The following PASK variants were observed in gnomAD, a reference collection of about 807,000 sequenced individuals.
PASK encodes PAS domain containing serine/threonine kinase.
In PASK, 110 loss-of-function variants were observed where a neutral mutation model predicts 121.0. That is an observed-to-expected ratio of 0.91 (90% CI 0.78 to 1.06). The LOEUF (loss-of-function observed/expected upper bound fraction) is 1.06, where lower values mean the gene tolerates loss of function less well. Ranked by LOEUF, PASK falls within the 50% of genes least tolerant of loss-of-function variation. The pLI is 0.00. For synonymous variants in PASK, 686 were observed against 717.8 expected, an observed-to-expected ratio of 0.96 and a Z score of 0.71; for missense variants, 1,643 against 1,702.3, an observed-to-expected ratio of 0.97 and a Z score of 0.61.
Position 241,149,445 on chromosome 2 carries a change from T to C in PASK, c.-74A>G. 2 of 572,962 alleles carry C rather than the reference T, an allele frequency of 3.5e-6. No individual in the cohort carries two copies. Among genetic ancestry groups the C allele is most frequent in the South Asian group, 2.1e-5 (1 of 48,446 alleles). 35.5% of individuals were successfully genotyped at this position (572,962 alleles called of 1,614,324 possible). ...CAGGCGAGGGTCACGCCAAGCCGGC[T>C]ACACACCACGGAAAGGAGCCCTTCC... On this transcript the variant is annotated 5_prime_UTR_variant, in exon 1 of 18. Coordinates refer to ENST00000234040, the MANE Select transcript of PASK (RefSeq NM_015148.4).
chr2:241,124,200 G>C, intron 10 of PASK, 67 bp from the exon 11 acceptor site: 1 of 1,309,976 alleles, frequency 7.6e-7, no homozygotes, highest in South Asian at 1.2e-5. Context: ...CTTTAGGTTA[G>C]AAAAGTCCAG....
chr2:241,129,162 G>A (rs978334554), intron 9 of PASK, among the ~76,000 whole-genome samples: 10 of 152,136 alleles, frequency 6.6e-5, no homozygotes, highest in Admixed American at 4.6e-4. Flanking sequence ...GACAGGAGGC[G>A]AATGCACACC....
intron 12 of PASK, among the ~76,000 whole-genome samples, chr2:241,119,631 G>A (rs1374767572): frequency 1.3e-5 from 2 of 152,070 alleles, no homozygotes; most frequent in South Asian, 2.1e-4. Flanking sequence ...CACCACGCCC[G>A]GCTAATTTTT....
chr2:241,129,025 T>C (rs888119702), intron 9 of PASK, among the ~76,000 whole-genome samples: 5 of 151,738 alleles, frequency 3.3e-5, no homozygotes, highest in Non-Finnish European at 7.4e-5. Flanking sequence ...CTCCCGCCTC[T>C]CTCCCTCCAT....
chr2:241,121,856 A>G (rs552376448), intron 12 of PASK, among the ~76,000 whole-genome samples: 1 of 152,376 alleles, frequency 6.6e-6, no homozygotes, highest in East Asian at 1.9e-4. Flanking sequence ...TGGGAGGATT[A>G]CAAAGGGAAA....
rs1280434750 is a variant in PASK at position 241,123,955 on chromosome 2, C to T, written c.2898G>A (p.Leu966=). ...STAAELTGPS[L]VEVLRARPWF... is the part of the protein sequence containing the mutation. ...ATTGATTGCAAATACCCACTTCCAC[C>T]AGGCTGGGTCCGGTGAGCTCAGCAG... Residue 966 remains leucine, a synonymous_variant, in exon 11 of 18, where the codon CTG becomes CTA. Coordinates refer to ENST00000234040, the MANE Select transcript of PASK (RefSeq NM_015148.4). 2 of 1,613,432 alleles carry T rather than the reference C, an allele frequency of 1.2e-6. No homozygotes were observed. The highest frequency in any genetic ancestry group is 1.7e-5 in the Admixed American group (1 of 60,018).
chr2:241,127,259 T>TA lies in PASK; in HGVS notation c.1655_1656insT (p.Val553SerfsTer4). 4.3e-6 allele frequency: 7 copies of TA among 1,614,230 alleles called. No homozygotes were observed. Among genetic ancestry groups the TA allele is most frequent in the Non-Finnish European group, 5.9e-6 (7 of 1,180,022 alleles). On this transcript the variant is annotated frameshift_variant, in exon 10 of 18. Coordinates refer to ENST00000234040, the MANE Select transcript of PASK (RefSeq NM_015148.4). LOFTEE classifies it high-confidence loss of function. The stretch of plus-strand genomic sequence containing the variant: ...CACTGCCCCCATCCTCAGCTGGGAC[T>TA]GGAGCTTCAGAATCTTCGCAGGAAG...
chr2:241,108,531 GC>G lies in PASK; in HGVS notation c.3534-232del, dbSNP rs2064979735. 1.7e-6 allele frequency: 1 copy of G among 590,100 alleles called. No individual in the cohort carries two copies. The highest frequency in any genetic ancestry group is 3.1e-6 in the Non-Finnish European group (1 of 327,364). The allele number at this position is 590,100 out of a possible 1,614,324, so 36.6% of individuals were successfully genotyped here. On this transcript the variant is annotated intron_variant, in intron 15 of 17. Transcript: ENST00000234040. This position sits in a 1 kb window ranked among gnomAD's most constrained non-coding sequence, Gnocchi z 5.2. The stretch of plus-strand genomic sequence containing the variant: ...GGAGAGGCCATCGGGCAGCTCCGAG[GC>G]TAATCAGGAACTTCCTTGTGGACAC...
At chr2:241,134,996 G>A (rs1032172923) in intron 8 of PASK, among the ~76,000 whole-genome samples, 10 of 152,218 alleles carry the variant, frequency 6.6e-5, no homozygotes, top group African/African-American at 2.4e-4. Context: ...AATGAGCACT[G>A]TGGAAGCAGC....
chr2:241,135,370 C>G (rs1297119471), intron 8 of PASK, among the ~76,000 whole-genome samples: 2 of 152,096 alleles, frequency 1.3e-5, no homozygotes, highest in South Asian at 4.1e-4. Context: ...ACCCGTGGAA[C>G]GCAGGTGCAT....
At chr2:241,118,981 C>A in intron 12 of PASK, 1 of 996,818 alleles carries the variant, frequency 1.0e-6, no homozygotes, top group South Asian at 4.6e-5. Context: ...CCCCAGCCTC[C>A]AAGGGCTGTC....
intron 8 of PASK, chr2:241,134,458 C>G (rs893592341): frequency 6.6e-6 from 1 of 152,262 alleles, no homozygotes; most frequent in African/African-American, 2.4e-5. Flanking sequence ...AATCCAGCTT[C>G]TAATGCCCCA....
At position 241,126,417 on chromosome 2, in the gene PASK, G is replaced by A. The variant is rs1363750079; in HGVS notation, c.2498C>T (p.Ser833Phe). ...TCTGTCGCTTGCTGCATAATGCTCA[G>A]AGGACACCAAACAAACCTCAAGCGG... is the stretch of plus-strand genomic sequence containing the variant. ...TEPLEVCLVSSEHYAASDRES... is the reference protein window; with the variant it reads ...TEPLEVCLVSFEHYAASDRES... Residue 833 changes from serine (S) to phenylalanine (F), a missense_variant, in exon 10 of 18, where the codon TCT becomes TTT. By Grantham distance (155) the Ser-to-Phe change is radical (BLOSUM62 -2). Around this residue, in one of 3 missense-constraint regions of PASK, gnomAD observed 1,176 missense variants for 1,162.2 expected, o/e 1.01. Coordinates refer to ENST00000234040, the MANE Select transcript of PASK (RefSeq NM_015148.4). The A allele has an allele frequency of 2.5e-6, 4 of 1,614,118 alleles. No individual in the cohort carries two copies. Among genetic ancestry groups the A allele is most frequent in the African/African-American group, 1.3e-5 (1 of 74,940 alleles).
upstream of PASK, chr2:241,150,162 C>A: frequency 7.9e-7 from 1 of 1,268,648 alleles, no homozygotes; most frequent in Non-Finnish European, 9.9e-7. Context: ...ACTCTCAAGC[C>A]CAGGGCGTCT....
At chr2:241,109,401 G>A (rs1156642321) in intron 15 of PASK, 1 of 152,554 alleles carries the variant, frequency 6.6e-6, no homozygotes, top group South Asian at 2.1e-4. Flanking sequence ...GCAGCTGGGG[G>A]TCTGTCCCCA....
chr2:241,115,260 AG>A lies in PASK; in HGVS notation c.3198+27del, dbSNP rs761898187. The stretch of plus-strand genomic sequence containing the variant: ...GAAGACATTTGACATGAGCCAAGTT[AG>A]GGTATCTCTGAAGAGGAAACCATCA... On this transcript the variant is annotated intron_variant, in intron 13 of 17. Coordinates refer to ENST00000234040, the MANE Select transcript of PASK (RefSeq NM_015148.4). The A allele has an allele frequency of 1.9e-6, 3 of 1,613,916 alleles. No individual in the cohort carries two copies. The African/African-American group carries it at 4.0e-5, about 22-fold the overall frequency.
At position 241,140,697 on chromosome 2, in the gene PASK, T is replaced by C; in HGVS notation, c.253A>G (p.Ser85Gly). The C allele has an allele frequency of 6.2e-7, 1 of 1,614,186 alleles. No homozygotes were observed. The highest frequency in any genetic ancestry group is 2.2e-5 in the East Asian group (1 of 44,880). ...SSLAAQNICT[S>G]KLHCPAAPEH... ...GGGGCAGCAGGGCAGTGCAGTTTAC[T>C]TGTACAAATATTCTGGGCAGCCAGT... Residue 85 changes from serine (S) to glycine (G), a missense_variant, in exon 3 of 18, where the codon AGT becomes GGT. This residue lies in a region of PASK where 1,176 missense variants were observed against 1,162.2 expected (regional missense o/e 1.01). Coordinates refer to ENST00000234040, the MANE Select transcript of PASK (RefSeq NM_015148.4).
chr2:241,136,176 C>A, intron 7 of PASK, 137 bp from the exon 8 acceptor site: 1 of 780,730 alleles, frequency 1.3e-6, no homozygotes, highest in Non-Finnish European at 2.3e-6. Flanking sequence ...AGGCCTCGGG[C>A]CAAATGCCCT....
At chr2:241,140,078 A>T (rs2066632667) in intron 3 of PASK, 23 bp from the exon 4 acceptor site, 1 of 1,606,168 alleles carries the variant, frequency 6.2e-7, no homozygotes, top group Middle Eastern at 1.7e-4. Flanking sequence ...AAAGAGGAGC[A>T]AGGATGCAGA....
Sources: gnomAD v4.1 joint callset for allele counts (sites outside exome capture counted in the v4.1 genomes callset) on GRCh38, gnomAD v4.1.1 for gene constraint, gnomAD v4.1.1 regional missense constraint, Gnocchi (gnomAD v3.1) non-coding constraint, MANE v1.5 for transcripts, NCBI Gene and HGNC (gene_info 2026-07-23, HGNC 2026-07-21) for gene names.